The following VEGFC variants were observed in gnomAD, a reference collection of about 807,000 sequenced individuals.
The protein encoded by VEGFC is vascular endothelial growth factor C.
In VEGFC, 12 loss-of-function variants were observed where a neutral mutation model predicts 46.1. The observed-to-expected ratio is 0.26, with a 90% CI of 0.17 to 0.42. VEGFC has a LOEUF of 0.42. VEGFC is among the 10% of genes least tolerant of loss of function. The pLI is 1.00. For missense variants in VEGFC, 488 were observed against 529.4 expected, an observed-to-expected ratio of 0.92 and a Z score of 0.77; for synonymous variants, 232 against 195.5, an observed-to-expected ratio of 1.19 and a Z score of -1.56.
rs570573893 is a variant in VEGFC, at chr4:176,734,774, A to T, written c.148-5028T>A. On this transcript the variant is annotated intron_variant, in intron 1 of 6. Coordinates refer to ENST00000618562, the MANE Select transcript of VEGFC (RefSeq NM_005429.5). ...TAGAATGAACATGTGCGTTTATTAT[A>T]CATTCATATCCAAAATTGAGGGTTT... Among the ~76,000 whole-genome samples the T allele has an allele frequency of 4.6e-4, 70 of 151,892 alleles. 1 individual carries two copies. Among genetic ancestry groups the T allele is most frequent in the Non-Finnish European group, 9.3e-4 (63 of 67,862 alleles).
intron 1 of VEGFC, among the ~76,000 whole-genome samples, chr4:176,767,285 A>G (rs1408128709): frequency 6.6e-6 from 1 of 152,226 alleles, no homozygotes. Context: ...ATGGGATGCT[A>G]TTACATCACC....
rs749474797 is a variant in VEGFC, at chr4:176,687,524, G to A, written c.812-4C>T. 2 of 1,575,216 alleles carry A rather than the reference G, an allele frequency of 1.3e-6. No homozygotes were observed. The highest frequency in any genetic ancestry group is 1.9e-5 in the Admixed American group (1 of 52,006). On this transcript the variant is annotated splice_region_variant and splice_polypyrimidine_tract_variant and intron_variant, in intron 5 of 6. Transcript: ENST00000618562. ...TCATGGAATCCATCTGTTGAGTCTA[G>A]ACAAATAGTCAGAGAATCTTTACTA...
rs753509001 is a variant in VEGFC, at chr4:176,687,776, A to G, written c.811+45T>C. The G allele has an allele frequency of 6.5e-6, 9 of 1,376,582 alleles. No homozygotes were observed. In the African/African-American group the frequency reaches 7.2e-5, roughly 11 times the overall value. The allele number at this position is 1,376,582 out of a possible 1,614,324, so 85.3% of individuals were successfully genotyped here. On this transcript the variant is annotated intron_variant, in intron 5 of 6. Coordinates refer to ENST00000618562, the MANE Select transcript of VEGFC (RefSeq NM_005429.5). ...TTAATATTAGAGTATGTTAATCACA[A>G]TATAGACCCCTGGCGTTTAGTCTTT...
chr4:176,763,467 AT>A (rs1735565993), intron 1 of VEGFC, among the ~76,000 whole-genome samples: 1 of 152,228 alleles, frequency 6.6e-6, no homozygotes, highest in Non-Finnish European at 1.5e-5. Flanking sequence ...AATTACATAA[AT>A]TTCAAAAGCA....
chr4:176,788,971 T>A (rs7694268), intron 1 of VEGFC, among the ~76,000 whole-genome samples: 107,727 of 152,204 alleles, frequency 0.71, 44,125 homozygotes, highest in East Asian at 0.99. Flanking sequence ...TGCGAAGTGC[T>A]TAACACACGT....
intron 4 of VEGFC, among the ~76,000 whole-genome samples, chr4:176,692,117 C>G (rs79691520): frequency 0.24 from 35,032 of 144,262 alleles, 6,519 homozygotes; most frequent in African/African-American, 0.54. Context: ...CGCACCGGCC[C>G]GGCGCGGTGG....
At chr4:176,759,469 G>T (rs1295139304) in intron 1 of VEGFC, among the ~76,000 whole-genome samples, 1 of 152,100 alleles carries the variant, frequency 6.6e-6, no homozygotes, top group Admixed American at 6.6e-5. Flanking sequence ...CTCGGGGACT[G>T]GTGGGGTGGT....
intron 1 of VEGFC, among the ~76,000 whole-genome samples, chr4:176,789,518 T>C (rs1359025646): frequency 6.6e-6 from 1 of 152,236 alleles, no homozygotes; most frequent in African/African-American, 2.4e-5. Context: ...TAAGAGTAGA[T>C]GTTGACAAAC....
At chr4:176,734,984 A>G (rs1281063229) in intron 1 of VEGFC, among the ~76,000 whole-genome samples, 1 of 151,682 alleles carries the variant, frequency 6.6e-6, no homozygotes. Flanking sequence ...TGGCAAAGCA[A>G]ATGTTTCTGA....
intron 1 of VEGFC, among the ~76,000 whole-genome samples, chr4:176,786,263 A>G (rs11131761): frequency 0.71 from 107,691 of 152,038 alleles, 44,115 homozygotes; most frequent in East Asian, 0.99. Flanking sequence ...TCAAACTCAG[A>G]CTTTCTCTTT....
chr4:176,689,242 CAT>C (rs2110966307), intron 4 of VEGFC: 1 of 152,272 alleles, frequency 6.6e-6, no homozygotes, highest in Non-Finnish European at 1.5e-5. Context: ...GCCATCTTAA[CAT>C]GTGCATTGAG....
chr4:176,790,532 AACACAC>A (rs34739848), intron 1 of VEGFC, among the ~76,000 whole-genome samples: 2 of 151,264 alleles, frequency 1.3e-5, no homozygotes, highest in East Asian at 3.9e-4. Flanking sequence ...AACACACGTA[AACACAC>A]ACACACACAC....
chr4:176,725,274 C>G (rs550054235), intron 3 of VEGFC, among the ~76,000 whole-genome samples: 2 of 152,194 alleles, frequency 1.3e-5, no homozygotes, highest in African/African-American at 4.8e-5. Flanking sequence ...ACTGAAAGGC[C>G]TTTATGCTGG....
Position 176,792,735 on chromosome 4 carries a change from T to G in VEGFC, c.-424A>C. The G allele has an allele frequency of 6.7e-6, 1 of 149,048 alleles. No individual in the cohort carries two copies. The allele number at this position is 149,048 out of a possible 1,614,324, so 9.2% of individuals were successfully genotyped here. On this transcript the variant is annotated 5_prime_UTR_variant, in exon 1 of 7. Transcript: ENST00000618562. This position sits in a 1 kb window ranked among gnomAD's most constrained non-coding sequence, Gnocchi z 6.3. ...GCCCTCGTCCCCCTCCTCCCTCCCC[T>G]TCCCCGAAGTGAGAGGAGCCGGGCC...
intron 1 of VEGFC, among the ~76,000 whole-genome samples, chr4:176,779,306 A>T (rs1735868180): frequency 6.6e-6 from 1 of 152,190 alleles, no homozygotes; most frequent in South Asian, 2.1e-4. Flanking sequence ...TAAGTAATAC[A>T]AGGTGGTATA....
chr4:176,714,854 G>A (rs969268788), intron 3 of VEGFC, among the ~76,000 whole-genome samples: 13 of 152,288 alleles, frequency 8.5e-5, no homozygotes, highest in African/African-American at 3.1e-4. Context: ...AGAATGTTCT[G>A]GTGAGATGAA....
At chr4:176,698,027 T>G (rs1734354913) in intron 4 of VEGFC, among the ~76,000 whole-genome samples, 1 of 151,990 alleles carries the variant, frequency 6.6e-6, no homozygotes. Flanking sequence ...GAGATATACC[T>G]AATGGTAGAT....
At chr4:176,766,405 G>A (rs941168010) in intron 1 of VEGFC, among the ~76,000 whole-genome samples, 2 of 152,074 alleles carry the variant, frequency 1.3e-5, no homozygotes, top group African/African-American at 2.4e-5. Context: ...GGGCAACATA[G>A]TGAAGCCTTA....
chr4:176,767,238 T>C (rs928357955), intron 1 of VEGFC, among the ~76,000 whole-genome samples: 1 of 151,756 alleles, frequency 6.6e-6, no homozygotes, highest in East Asian at 1.9e-4. Context: ...GATGTCCAAC[T>C]TCATCAGTTT....
Sources: allele counts gnomAD v4.1 joint callset (sites outside exome capture counted in the v4.1 genomes callset), GRCh38; gene constraint gnomAD v4.1.1; non-coding constraint Gnocchi (gnomAD v3.1); transcripts MANE v1.5; gene names NCBI Gene and HGNC (gene_info 2026-07-23, HGNC 2026-07-21).